The following SNX29 variants were observed in gnomAD, a reference collection of about 807,000 sequenced individuals.
The protein encoded by SNX29 is sorting nexin 29.
Under a neutral mutation model 102.1 loss-of-function variants are expected in SNX29, and 78 were observed. The observed-to-expected ratio is 0.76, with a 90% CI of 0.64 to 0.92. The LOEUF (loss-of-function observed/expected upper bound fraction) is 0.92. Ranked by LOEUF, SNX29 falls within the 40% of genes least tolerant of loss-of-function variation. The probability of loss-of-function intolerance (pLI) is 0.00; values close to 1 mark genes in which losing one functional copy is unlikely to be tolerated. For synonymous variants in SNX29, 580 were observed against 414.5 expected (o/e 1.40, Z -4.85); for missense variants, 1,280 against 1,061.7 (o/e 1.21, Z -2.86).
At chr16:12,474,878 C>T (rs1284294934) in intron 18 of SNX29, among the ~76,000 whole-genome samples, 1 of 152,182 alleles carries the variant, frequency 6.6e-6, no homozygotes, top group African/African-American at 2.4e-5. Context: ...GTTTTCTCTA[C>T]TTGGTTAAAA....
intron 19 of SNX29, among the ~76,000 whole-genome samples, chr16:12,480,188 C>T (rs114035664): frequency 0.019 from 2,851 of 152,276 alleles, 82 homozygotes; most frequent in African/African-American, 0.065. Context: ...GGGACTAAAA[C>T]AAATTCATTA....
intron 20 of SNX29, among the ~76,000 whole-genome samples, chr16:12,563,458 C>G (rs558285539): frequency 6.6e-6 from 1 of 152,172 alleles, no homozygotes; most frequent in Non-Finnish European, 1.5e-5. Context: ...TTTAGGAAAC[C>G]TAATAGGGTA....
intron 14 of SNX29, among the ~76,000 whole-genome samples, chr16:12,266,699 A>AT (rs386384271): frequency 1.3e-5 from 2 of 151,432 alleles, no homozygotes; most frequent in Non-Finnish European, 2.9e-5. Context: ...AAAAAAAAAA[A>AT]AAAGAATATC....
intron 18 of SNX29, among the ~76,000 whole-genome samples, chr16:12,468,693 G>A (rs1195131967): frequency 6.6e-6 from 1 of 152,078 alleles, no homozygotes; most frequent in Non-Finnish European, 1.5e-5. Context: ...GATAGCCCCA[G>A]GGCCCAGCCC....
intron 15 of SNX29, among the ~76,000 whole-genome samples, chr16:12,314,389 G>T (rs947450831): frequency 2.1e-4 from 32 of 152,246 alleles, no homozygotes; most frequent in Non-Finnish European, 8.8e-5. Flanking sequence ...GCACAGAGTG[G>T]TGGTTGCGAG....
chr16:12,152,569 G>T (rs1298665898), intron 13 of SNX29, among the ~76,000 whole-genome samples: 1 of 152,122 alleles, frequency 6.6e-6, no homozygotes, highest in Non-Finnish European at 1.5e-5. Context: ...ATCAAATGGG[G>T]CAAACCACCA....
chr16:12,147,953 C>A (rs959113410), intron 13 of SNX29, among the ~76,000 whole-genome samples: 1 of 152,158 alleles, frequency 6.6e-6, no homozygotes, highest in African/African-American at 2.4e-5. Context: ...TTGGCAGCAG[C>A]AGCAGCGATG....
intron 20 of SNX29, among the ~76,000 whole-genome samples, chr16:12,566,254 A>C (rs2079001412): frequency 6.6e-6 from 1 of 152,208 alleles, no homozygotes; most frequent in African/African-American, 2.4e-5. Flanking sequence ...AAGGAAACCA[A>C]GGGTCAGACA....
At chr16:12,168,070 A>G (rs1381446484) in intron 13 of SNX29, among the ~76,000 whole-genome samples, 3 of 152,226 alleles carry the variant, frequency 2.0e-5, no homozygotes, top group Non-Finnish European at 2.9e-5. Flanking sequence ...ACTGGGAGAC[A>G]GTCATGAAGT....
chr16:11,981,344 T>A (rs2055408802), intron 1 of SNX29, among the ~76,000 whole-genome samples: 1 of 152,082 alleles, frequency 6.6e-6, no homozygotes, highest in African/African-American at 2.4e-5. Context: ...CCTCAATTGA[T>A]CTGCCTGCCT....
At chr16:12,092,156 T>C (rs1333466610) in intron 11 of SNX29, among the ~76,000 whole-genome samples, 2 of 152,074 alleles carry the variant, frequency 1.3e-5, no homozygotes, top group South Asian at 4.1e-4. Flanking sequence ...CTCCCCTCTT[T>C]AGTTTCTTTC....
At position 12,572,533 on chromosome 16, in the gene SNX29, G is replaced by A. The variant is rs1010400322; in HGVS notation, c.*3904G>A. The stretch of plus-strand genomic sequence containing the variant: ...GCTCCACGTGCTCAAGCCCCCACAG[G>A]GGGCTGCGACACCATCTGGCTCCTC... On this transcript the variant is annotated 3_prime_UTR_variant, in exon 21 of 21. Transcript: ENST00000566228. 5.6e-6 allele frequency: 6 copies of A among 1,063,154 alleles called. No individual in the cohort carries two copies. The highest frequency in any genetic ancestry group is 5.7e-6 in the Non-Finnish European group (5 of 877,970). The allele number at this position is 1,063,154 out of a possible 1,614,324, so 65.9% of individuals were successfully genotyped here. A position where few individuals can be genotyped will look rare whatever the true frequency, so the allele number is the denominator to read the frequency against.
chr16:12,558,384 A>C (rs1186472881), intron 20 of SNX29, among the ~76,000 whole-genome samples: 4 of 152,212 alleles, frequency 2.6e-5, no homozygotes, highest in African/African-American at 9.7e-5. Context: ...TCGGAATTTT[A>C]CATAGAGTGA....
chr16:12,162,533 C>T (rs1244454593), intron 13 of SNX29, among the ~76,000 whole-genome samples: 1 of 152,212 alleles, frequency 6.6e-6, no homozygotes, highest in African/African-American at 2.4e-5. Context: ...AGTGGACATG[C>T]CTGTGTTCCA....
chr16:12,204,509 A>G (rs905576173), intron 14 of SNX29, among the ~76,000 whole-genome samples: 1 of 152,146 alleles, frequency 6.6e-6, no homozygotes, highest in South Asian at 2.1e-4. Flanking sequence ...GTCCTGTTCA[A>G]TAGCAATGGA....
At chr16:12,058,459 C>G (rs1228233243) in intron 8 of SNX29, among the ~76,000 whole-genome samples, 3 of 146,334 alleles carry the variant, frequency 2.1e-5, no homozygotes, top group African/African-American at 7.6e-5. Context: ...GGCAGTAGCC[C>G]TTGGGGCCCA....
intron 18 of SNX29, among the ~76,000 whole-genome samples, chr16:12,471,763 G>A (rs2087351895): frequency 6.6e-6 from 1 of 152,248 alleles, no homozygotes; most frequent in Non-Finnish European, 1.5e-5. Flanking sequence ...TTAAGTTTAT[G>A]GTTCAATTAA....
At chr16:12,382,869 C>G (rs2083222111) in intron 16 of SNX29, among the ~76,000 whole-genome samples, 1 of 152,008 alleles carries the variant, frequency 6.6e-6, no homozygotes, top group Admixed American at 6.6e-5. Context: ...CTCTGTATCT[C>G]TCTTATAAGG....
intron 3 of SNX29, among the ~76,000 whole-genome samples, chr16:12,005,049 T>C (rs1040305769): frequency 6.6e-6 from 1 of 152,212 alleles, no homozygotes; most frequent in Non-Finnish European, 1.5e-5. Flanking sequence ...GTCAAGCATT[T>C]AAATATGTGT....
Sources: allele counts gnomAD v4.1 joint callset (sites outside exome capture counted in the v4.1 genomes callset), GRCh38; gene constraint gnomAD v4.1.1; transcripts MANE v1.5; gene names NCBI Gene and HGNC (gene_info 2026-07-23, HGNC 2026-07-21).